The following MTCL1 variants were observed in gnomAD, a reference collection of about 807,000 sequenced individuals.
The protein encoded by MTCL1 is microtubule cross-linking factor 1.
Under a neutral mutation model 141.4 loss-of-function variants are expected in MTCL1, and 79 were observed. The ratio of observed to expected loss-of-function variants is 0.56; its 90% CI spans 0.47 to 0.67. The LOEUF is 0.67. Among genes scored for constraint, MTCL1 ranks in the 30% least tolerant of loss-of-function variants. The probability of loss-of-function intolerance (pLI) is 0.00; values close to 1 mark genes in which losing one functional copy is unlikely to be tolerated. For missense variants in MTCL1, 2,177 were observed against 2,113.9 expected, an observed-to-expected ratio of 1.03 and a Z score of -0.59; for synonymous variants, 914 against 875.8, an observed-to-expected ratio of 1.04 and a Z score of -0.77.
intron 4 of MTCL1, among the ~76,000 whole-genome samples, chr18:8,756,294 G>T (rs1419971505): frequency 6.7e-6 from 1 of 148,572 alleles, no homozygotes; most frequent in Non-Finnish European, 1.5e-5. Context: ...CCTTAGCCAT[G>T]AAAAAGAAGT....
At chr18:8,824,887 G>A (rs1392527752) in exon 15 of MTCL1, 4 of 1,613,840 alleles carry the variant, frequency 2.5e-6, no homozygotes, top group Non-Finnish European at 3.4e-6. Flanking sequence ...GGCCACAATG[G>A]TGGGGGGCCG....
At chr18:8,814,637 G>T (rs951758941) in intron 12 of MTCL1, among the ~76,000 whole-genome samples, 3 of 152,170 alleles carry the variant, frequency 2.0e-5, no homozygotes, top group African/African-American at 4.8e-5. Context: ...TAGTTGACCG[G>T]TGTCACAGTA....
At chr18:8,710,087 G>A (rs769384012) in intron 1 of MTCL1, among the ~76,000 whole-genome samples, 51 of 152,126 alleles carry the variant, frequency 3.4e-4, no homozygotes, top group Non-Finnish European at 5.1e-4. Context: ...TGATCTGCCC[G>A]CCTCGGCTTC....
chr18:8,800,912 T>TTA (rs1555665020), intron 10 of MTCL1: 2 of 145,826 alleles, frequency 1.4e-5, no homozygotes, highest in Non-Finnish European at 3.0e-5. Context: ...AACAACTAAG[T>TTA]AAAAAAAAAA....
At chr18:8,798,945 G>A (rs2076019771) in intron 10 of MTCL1, among the ~76,000 whole-genome samples, 1 of 152,202 alleles carries the variant, frequency 6.6e-6, no homozygotes, top group South Asian at 2.1e-4. Flanking sequence ...AGGACCCTGT[G>A]TTAACGCTGT....
At chr18:8,819,138 A>T (rs1598799140) in exon 13 of MTCL1, 1 of 1,614,234 alleles carries the variant, frequency 6.2e-7, no homozygotes, top group South Asian at 1.1e-5. Flanking sequence ...TCCAAGCTGA[A>T]GGAGTCGGAC....
At chr18:8,786,131 C>CCCCCCCCCCCCTTT in intron 7 of MTCL1, 40 bp downstream of exon 6, 1 of 1,520,142 alleles carries the variant, frequency 6.6e-7, no homozygotes, top group South Asian at 1.2e-5. Context: ...CGCCCTCCCC[C>CCCCCCCCCCCCTTT]TCCTTTTTCT....
chr18:8,806,855 T>G, intron 10 of MTCL1, 38 bp from the exon 10 acceptor site: 1 of 1,603,410 alleles, frequency 6.2e-7, no homozygotes, highest in Non-Finnish European at 8.5e-7. Flanking sequence ...AAAATACGCT[T>G]AAAGGAGGTG....
intron 11 of MTCL1, among the ~76,000 whole-genome samples, chr18:8,807,491 C>T (rs778214874): frequency 6.6e-6 from 1 of 152,186 alleles, no homozygotes; most frequent in African/African-American, 2.4e-5. Flanking sequence ...ACTTGGAGAC[C>T]TCCCACTGCA....
At chr18:8,751,550 A>G (rs552618302) in intron 4 of MTCL1, among the ~76,000 whole-genome samples, 1 of 152,224 alleles carries the variant, frequency 6.6e-6, no homozygotes, top group Non-Finnish European at 1.5e-5. Context: ...CACTCATGTC[A>G]TCAACACTCT....
intron 10 of MTCL1, chr18:8,801,636 T>G (rs516579): frequency 0.81 from 122,959 of 152,144 alleles, 49,929 homozygotes; most frequent in Middle Eastern, 0.89. Flanking sequence ...AACCATGGCC[T>G]GCAGTTTGCC....
chr18:8,771,036 G>A (rs988041733), intron 4 of MTCL1, among the ~76,000 whole-genome samples: 12 of 152,128 alleles, frequency 7.9e-5, no homozygotes, highest in African/African-American at 2.7e-4. Context: ...GGGGGAGGAG[G>A]CATCTTCCAG....
At chr18:8,826,410 G>A (rs2077028667) in intron 15 of MTCL1, among the ~76,000 whole-genome samples, 178 bp downstream of exon 14, 1 of 152,196 alleles carries the variant, frequency 6.6e-6, no homozygotes, top group Admixed American at 6.5e-5. Flanking sequence ...AAAAAGCCCT[G>A]AGCAACTTTT....
intron 4 of MTCL1, among the ~76,000 whole-genome samples, chr18:8,763,329 G>A (rs1426847009): frequency 6.6e-6 from 1 of 152,254 alleles, no homozygotes; most frequent in African/African-American, 2.4e-5. Flanking sequence ...GGGCTTCCCT[G>A]ATGGGCCCGC....
At position 8,720,471 on chromosome 18, in the gene MTCL1, A is replaced by G. The variant is rs373625990; in HGVS notation, c.332A>G (p.Gln111Arg). Residue 111 changes from glutamine (Q) to arginine (R), a missense_variant, in exon 4 of 17, where the codon CAG (glutamine) becomes CGG (arginine). Gln to Arg is a conservative substitution (Grantham distance 43). Coordinates refer to ENST00000359865, the Ensembl canonical transcript of MTCL1. ...GTGGAAATATCCAAACAGGCCCTCC[A>G]GAATGAGCTGGAGAGACTGAAAGAG... 11 of 1,614,094 alleles carry G rather than the reference A, an allele frequency of 6.8e-6. No individual in the cohort carries two copies. The East Asian group carries it at 1.8e-4, about 26-fold the overall frequency.
intron 4 of MTCL1, among the ~76,000 whole-genome samples, chr18:8,774,702 A>G (rs2096498546): frequency 6.6e-6 from 1 of 152,184 alleles, no homozygotes; most frequent in Admixed American, 6.5e-5. Flanking sequence ...TGGCCAGGCC[A>G]GTGTCAAACT....
intron 10 of MTCL1, among the ~76,000 whole-genome samples, chr18:8,803,871 A>G (rs1326939669): frequency 6.6e-6 from 1 of 152,240 alleles, no homozygotes; most frequent in Non-Finnish European, 1.5e-5. Flanking sequence ...CCAATCTGCA[A>G]GAGGACTGTA....
intron 16 of MTCL1, chr18:8,829,953 A>G: frequency 1.0e-6 from 1 of 985,380 alleles, no homozygotes. Context: ...TGGTCTCATA[A>G]AAAGCCTGCT....
At chr18:8,712,051 A>T (rs1012991260) in intron 1 of MTCL1, among the ~76,000 whole-genome samples, 1 of 152,178 alleles carries the variant, frequency 6.6e-6, no homozygotes, top group Non-Finnish European at 1.5e-5. Flanking sequence ...TATTTTGAAA[A>T]TGCTTTTAGC....
Sources: gnomAD v4.1 joint callset for allele counts (sites outside exome capture counted in the v4.1 genomes callset) on GRCh38, gnomAD v4.1.1 for gene constraint, MANE v1.5 for transcripts, NCBI Gene and HGNC (gene_info 2026-07-23, HGNC 2026-07-21) for gene names.